Variants in PPFIA1 observed in about 807,000 individuals in gnomAD.
The protein encoded by PPFIA1 is PPFI scaffold protein A1, also known as liprin-alpha-1.
Under a neutral mutation model 149.9 loss-of-function variants are expected in PPFIA1, and 25 were observed. The observed-to-expected ratio is 0.17, with a 90% CI of 0.12 to 0.23. The LOEUF (loss-of-function observed/expected upper bound fraction) is 0.23, where lower values mean the gene tolerates loss of function less well. Ranked by LOEUF, PPFIA1 falls within the 10% of genes least tolerant of loss-of-function variation. PPFIA1 has a pLI of 1.00. For missense variants in PPFIA1, 1,362 were observed against 1,506.5 expected (o/e 0.90, Z 1.59); for synonymous variants, 549 against 552.8 (o/e 0.99, Z 0.10).
At chr11:70,306,982 G>A (rs2052896923) in intron 2 of PPFIA1, among the ~76,000 whole-genome samples, 1 of 152,134 alleles carries the variant, frequency 6.6e-6, no homozygotes, top group African/African-American at 2.4e-5. Context: ...CCAGCAGATG[G>A]CCAGACATGC....
intron 4 of PPFIA1, 37 bp from the exon 5 acceptor site, chr11:70,325,461 TAC>T (rs113854811): frequency 0.14 from 186,399 of 1,316,494 alleles, 16,904 homozygotes; most frequent in African/African-American, 0.46. Context: ...ATAAACAGTA[TAC>T]ACACACACAC....
In PPFIA1 at chr11:70,348,335, C is replaced by T. The variant is rs963382517; in HGVS notation, c.2078C>T (p.Ser693Phe). Reference protein sequence around the residue: ...PYPASSLASSSPPGSGRSTPR... With the variant: ...PYPASSLASSFPPGSGRSTPR... The stretch of plus-strand genomic sequence containing the variant: ...CCTGCTTCCTCGCTTGCTAGCTCCT[C>T]CCCTCCGGGCAGTGGGCGCTCCACC... Residue 693 changes from serine to phenylalanine, a missense_variant, in exon 16 of 28, where the codon TCC becomes TTC. Coordinates refer to ENST00000253925, the MANE Select transcript of PPFIA1 (RefSeq NM_003626.5). 1.9e-6 allele frequency: 3 copies of T among 1,614,160 alleles called. No individual in the cohort carries two copies. The highest frequency in any genetic ancestry group is 2.5e-6 in the Non-Finnish European group (3 of 1,180,012).
intron 21 of PPFIA1, chr11:70,372,008 A>G (rs1591379789): frequency 7.5e-6 from 3 of 398,512 alleles, no homozygotes; most frequent in Admixed American, 4.1e-5. Flanking sequence ...CGAATCATAT[A>G]TTTTTCATGT....
At chr11:70,337,023 G>T (rs1437614522) in intron 11 of PPFIA1, among the ~76,000 whole-genome samples, 1 of 152,166 alleles carries the variant, frequency 6.6e-6, no homozygotes, top group Non-Finnish European at 1.5e-5. Flanking sequence ...TTTTAATTAT[G>T]CATTTGAAAC....
intron 2 of PPFIA1, among the ~76,000 whole-genome samples, chr11:70,293,974 G>A (rs1220630928): frequency 7.8e-6 from 1 of 127,680 alleles, no homozygotes; most frequent in Non-Finnish European, 1.6e-5. Context: ...GGGTCTTCCT[G>A]TGTCGCCCAG....
At chr11:70,352,999 T>C (rs932018335) in intron 16 of PPFIA1, among the ~76,000 whole-genome samples, 8 of 152,198 alleles carry the variant, frequency 5.3e-5, no homozygotes, top group Non-Finnish European at 7.3e-5. Context: ...TTAAGCTTCA[T>C]ATTGATAATT....
intron 2 of PPFIA1, among the ~76,000 whole-genome samples, chr11:70,322,970 G>A (rs1252902297): frequency 2.0e-5 from 3 of 152,198 alleles, no homozygotes; most frequent in Non-Finnish European, 4.4e-5. Flanking sequence ...GTTGTCTTCA[G>A]CAGTGCCCTG....
intron 2 of PPFIA1, among the ~76,000 whole-genome samples, chr11:70,290,896 CTT>C (rs770358642): frequency 6.6e-6 from 1 of 151,856 alleles, no homozygotes; most frequent in African/African-American, 2.4e-5. Flanking sequence ...CTTGAAATCT[CTT>C]TTTTTTGAGA....
At chr11:70,331,853 A>G (rs2054687778) in intron 8 of PPFIA1, 107 bp from the exon 9 acceptor site, 4 of 1,263,346 alleles carry the variant, frequency 3.2e-6, no homozygotes, top group Non-Finnish European at 4.2e-6. Context: ...TAGCTCTTCC[A>G]TCATGACTCT....
At chr11:70,334,011 T>C (rs2054824745) in intron 10 of PPFIA1, among the ~76,000 whole-genome samples, 1 of 152,044 alleles carries the variant, frequency 6.6e-6, no homozygotes, top group African/African-American at 2.4e-5. Context: ...ACTCCAAACA[T>C]AATGGCGTGT....
chr11:70,370,867 C>T (rs748114482), intron 21 of PPFIA1, among the ~76,000 whole-genome samples: 26 of 152,224 alleles, frequency 1.7e-4, no homozygotes, highest in East Asian at 1.4e-3. Context: ...CAGTGGCTCA[C>T]GCCTGTAATC....
In PPFIA1 at chr11:70,270,823, G is replaced by T. The variant is rs2050023773; in HGVS notation, c.-92G>T. 2 of 150,118 alleles carry T rather than the reference G, an allele frequency of 1.3e-5. No homozygotes were observed. Among genetic ancestry groups the T allele is most frequent in the Admixed American group, 1.3e-4 (2 of 15,110 alleles). 9.3% of individuals were successfully genotyped at this position (150,118 alleles called of 1,614,324 possible). ...GCGGGCAGGCGGACGCCGGCCGCGGGCTGCTTTCGTCGGCTCCCAAGCTCT... is the reference window on the plus strand; with the variant it reads ...GCGGGCAGGCGGACGCCGGCCGCGGTCTGCTTTCGTCGGCTCCCAAGCTCT... On this transcript the variant is annotated 5_prime_UTR_variant, in exon 1 of 28. Coordinates refer to ENST00000253925, the MANE Select transcript of PPFIA1 (RefSeq NM_003626.5).
chr11:70,373,119 G>T (rs1026622983), intron 23 of PPFIA1, among the ~76,000 whole-genome samples: 1 of 152,258 alleles, frequency 6.6e-6, no homozygotes, highest in African/African-American at 2.4e-5. Context: ...CCAGGGAGGC[G>T]TTAGAGGATG....
chr11:70,283,726 A>G (rs1464507561), intron 2 of PPFIA1, among the ~76,000 whole-genome samples: 2 of 140,184 alleles, frequency 1.4e-5, no homozygotes, highest in Non-Finnish European at 3.1e-5. Flanking sequence ...GGACTAGAGG[A>G]TGACAGCCGA....
At chr11:70,300,410 T>C (rs550554071) in intron 2 of PPFIA1, among the ~76,000 whole-genome samples, 5 of 152,290 alleles carry the variant, frequency 3.3e-5, no homozygotes, top group Admixed American at 1.3e-4. Context: ...TTCTCCATCA[T>C]GCAGGCTGGA....
intron 2 of PPFIA1, among the ~76,000 whole-genome samples, chr11:70,323,063 C>T (rs1291218538): frequency 6.6e-6 from 1 of 152,226 alleles, no homozygotes; most frequent in Non-Finnish European, 1.5e-5. Context: ...TTTGTTCCTA[C>T]TCTGGAGGGC....
chr11:70,335,858 T>C lies in PPFIA1; in HGVS notation c.1428+164T>C, dbSNP rs1398244778. Among the ~76,000 whole-genome samples, 6 of 152,240 alleles carry C rather than the reference T, an allele frequency of 3.9e-5. No individual in the cohort carries two copies. In the East Asian group the frequency reaches 1.2e-3, roughly 29 times the overall value. ...TATGCACAGTTATCCAGTCACTGAA[T>C]TAACTTATTGTTTGCTAAGTCCATG... On this transcript the variant is annotated intron_variant, in intron 11 of 27. Transcript: ENST00000253925.
chr11:70,349,191 C>T (rs1022847493), intron 16 of PPFIA1, among the ~76,000 whole-genome samples: 1 of 151,520 alleles, frequency 6.6e-6, no homozygotes, highest in South Asian at 2.1e-4. Flanking sequence ...CATTTGAAGC[C>T]GTGAACAAGC....
At chr11:70,318,202 C>A (rs573887902) in intron 2 of PPFIA1, among the ~76,000 whole-genome samples, 7 of 152,332 alleles carry the variant, frequency 4.6e-5, no homozygotes, top group African/African-American at 1.7e-4. Flanking sequence ...GCCTACCCGT[C>A]CTCTCTTCTA....
Sources: allele counts gnomAD v4.1 joint callset (sites outside exome capture counted in the v4.1 genomes callset), GRCh38; gene constraint gnomAD v4.1.1; transcripts MANE v1.5; gene names NCBI Gene and HGNC (gene_info 2026-07-23, HGNC 2026-07-21).